The following KCTD16 variants were observed in gnomAD, a reference collection of about 807,000 sequenced individuals.
The protein encoded by KCTD16 is potassium channel tetramerization domain containing 16.
In KCTD16, 13 loss-of-function variants were observed where a neutral mutation model predicts 33.2. The ratio of observed to expected loss-of-function variants is 0.39; its 90% confidence interval spans 0.25 to 0.62. KCTD16 has a LOEUF of 0.62. KCTD16 is among the 20% of genes least tolerant of loss of function. The pLI is 0.50. For synonymous variants in KCTD16, 197 were observed against 195.3 expected (o/e 1.01, Z -0.07); for missense variants, 441 against 525.1 (o/e 0.84, Z 1.57).
chr5:144,367,201 A>G (rs1219735095), intron 3 of KCTD16, among the ~76,000 whole-genome samples: 1 of 152,172 alleles, frequency 6.6e-6, no homozygotes, highest in East Asian at 1.9e-4. Flanking sequence ...CCTACCTTGA[A>G]TTTAGAATTA....
intron 1 of KCTD16, among the ~76,000 whole-genome samples, chr5:144,173,542 T>C (rs1282871699): frequency 6.6e-6 from 1 of 152,098 alleles, no homozygotes; most frequent in Non-Finnish European, 1.5e-5. Flanking sequence ...ACCTGGGTGA[T>C]GAAATAATCT....
chr5:144,436,586 ACTT>A (rs1232882371), intron 3 of KCTD16, among the ~76,000 whole-genome samples: 1 of 148,160 alleles, frequency 6.7e-6, no homozygotes, highest in Non-Finnish European at 1.5e-5. Flanking sequence ...AAAGTGTTTA[ACTT>A]CTTTTTTTTT....
chr5:144,203,108 G>T (rs368934236), intron 2 of KCTD16, among the ~76,000 whole-genome samples: 7 of 152,072 alleles, frequency 4.6e-5, no homozygotes, highest in African/African-American at 1.4e-4. Context: ...AAAAGGTTAA[G>T]AATCTACTTG....
rs377560235 is a variant in KCTD16 at position 144,343,186 on chromosome 5, C to T, written c.833-130474C>T. ...TCCTCCTTGTACCTCTGGTAGAATT[C>T]GGCTGTGAATCCATGTGGTCCTGGA... On this transcript the variant is annotated intron_variant, in intron 3 of 3. Transcript: ENST00000512467. Among the ~76,000 whole-genome samples, 588 of 152,184 alleles carry T rather than the reference C, an allele frequency of 3.9e-3. 4 individuals carry two copies. The highest frequency in any genetic ancestry group is 0.022 in the Admixed American group (338 of 15,294).
rs2126995374 is a variant in KCTD16, at chr5:144,464,939, A to C, written c.833-8721A>C. ...CAAAAATATATGCATTTTAAAAAGA[A>C]AGTCTTTTAGATCTTGATTATGAGT... On this transcript the variant is annotated intron_variant, in intron 3 of 3. Coordinates refer to ENST00000512467, the MANE Select transcript of KCTD16 (RefSeq NM_020768.4). Among the ~76,000 whole-genome samples the C allele has an allele frequency of 2.6e-5, 4 of 152,254 alleles. No homozygotes were observed. The Middle Eastern group carries it at 0.01, about 388-fold the overall frequency.
At chr5:144,285,125 C>G (rs1287003283) in intron 3 of KCTD16, among the ~76,000 whole-genome samples, 2 of 152,168 alleles carry the variant, frequency 1.3e-5, no homozygotes, top group African/African-American at 2.4e-5. Context: ...GTTGCTGCAG[C>G]TGCTGCATCA....
At chr5:144,448,182 TTTGCC>T (rs756969670) in intron 3 of KCTD16, among the ~76,000 whole-genome samples, 8 of 152,236 alleles carry the variant, frequency 5.3e-5, no homozygotes, top group Non-Finnish European at 8.8e-5. Flanking sequence ...TGCCTAGAAT[TTTGCC>T]TTGCCTCCAA....
chr5:144,218,369 G>T (rs1281037376), intron 3 of KCTD16, among the ~76,000 whole-genome samples: 1 of 151,926 alleles, frequency 6.6e-6, no homozygotes, highest in African/African-American at 2.4e-5. Context: ...AATCTTTTTT[G>T]CATTTTTTGA....
chr5:144,425,888 T>A (rs867247222), intron 3 of KCTD16, among the ~76,000 whole-genome samples: 5 of 152,136 alleles, frequency 3.3e-5, no homozygotes, highest in African/African-American at 9.7e-5. Context: ...TTAAGGTCTT[T>A]CTCCCATTGT....
At chr5:144,443,275 C>T (rs184939036) in intron 3 of KCTD16, among the ~76,000 whole-genome samples, 37 of 152,222 alleles carry the variant, frequency 2.4e-4, no homozygotes, top group Admixed American at 5.9e-4. Flanking sequence ...ATGGCTTAAA[C>T]GCCATAGGTC....
intron 3 of KCTD16, among the ~76,000 whole-genome samples, chr5:144,416,467 C>T (rs1209542366): frequency 1.3e-5 from 2 of 152,056 alleles, no homozygotes; most frequent in Admixed American, 6.6e-5. Context: ...AGACACACCT[C>T]GGATAGTTCT....
At chr5:144,336,167 G>A (rs996377709) in intron 3 of KCTD16, among the ~76,000 whole-genome samples, 3 of 152,214 alleles carry the variant, frequency 2.0e-5, no homozygotes, top group Non-Finnish European at 4.4e-5. Flanking sequence ...TACAAAATCT[G>A]TTCCTGAGAA....
intron 3 of KCTD16, among the ~76,000 whole-genome samples, chr5:144,300,840 C>T (rs1751414359): frequency 6.6e-6 from 1 of 152,110 alleles, no homozygotes; most frequent in Non-Finnish European, 1.5e-5. Context: ...AGTGATGTAC[C>T]TCACAGGTAC....
chr5:144,203,607 C>G (rs1229545810), intron 2 of KCTD16, among the ~76,000 whole-genome samples: 1 of 152,176 alleles, frequency 6.6e-6, no homozygotes, highest in African/African-American at 2.4e-5. Flanking sequence ...TTTTCTTACT[C>G]TGTTTCTCCA....
chr5:144,341,047 A>C (rs1330530191), intron 3 of KCTD16, among the ~76,000 whole-genome samples: 1 of 152,204 alleles, frequency 6.6e-6, no homozygotes, highest in Non-Finnish European at 1.5e-5. Flanking sequence ...CTCTGTCTCA[A>C]AAAAACAAAC....
chr5:144,398,774 C>A (rs1363492133), intron 3 of KCTD16, among the ~76,000 whole-genome samples: 1 of 151,622 alleles, frequency 6.6e-6, no homozygotes, highest in Non-Finnish European at 1.5e-5. Context: ...TACAGACTTT[C>A]CTGTTTTTAC....
rs1013062490 is a variant in KCTD16, at chr5:144,485,176, G to A, written c.*11062G>A. ...TTCTTTCTTACCTATTTGTTTTTGC[G>A]AGAAAAACATGATAGAAAATGCTAC... On this transcript the variant is annotated 3_prime_UTR_variant, in exon 4 of 4. Coordinates refer to ENST00000512467, the MANE Select transcript of KCTD16 (RefSeq NM_020768.4). The A allele has an allele frequency of 4.0e-5, 6 of 151,706 alleles. No individual in the cohort carries two copies. The highest frequency in any genetic ancestry group is 2.1e-4 in the South Asian group (1 of 4,820). The allele number at this position is 151,706 out of a possible 1,614,324, so 9.4% of individuals were successfully genotyped here. A position where few individuals can be genotyped will look rare whatever the true frequency, so the allele number is the denominator to read the frequency against.
At chr5:144,172,094 T>G (rs993147263) in intron 1 of KCTD16, among the ~76,000 whole-genome samples, 1 of 151,938 alleles carries the variant, frequency 6.6e-6, no homozygotes, top group Non-Finnish European at 1.5e-5. Context: ...AAATTTCACT[T>G]AAAACTTTTC....
chr5:144,426,893 CTT>C (rs1439022101), intron 3 of KCTD16, among the ~76,000 whole-genome samples: 2 of 152,132 alleles, frequency 1.3e-5, no homozygotes, highest in African/African-American at 4.8e-5. Flanking sequence ...TTTCCAACCT[CTT>C]AATACTGTCA....
Sources: gnomAD v4.1 joint callset for allele counts (sites outside exome capture counted in the v4.1 genomes callset) on GRCh38, gnomAD v4.1.1 for gene constraint, MANE v1.5 for transcripts, NCBI Gene and HGNC (gene_info 2026-07-23, HGNC 2026-07-21) for gene names.